The following LRCH1 variants were observed in gnomAD, a reference collection of about 807,000 sequenced individuals.
LRCH1 encodes leucine rich repeats and calponin homology domain containing 1, also known as leucine-rich repeat and calponin homology domain-containing protein 1.
LRCH1 carries 23 observed loss-of-function variants against 94.9 expected under a neutral mutation model. That is an observed-to-expected ratio of 0.24 (90% CI 0.17 to 0.34). LRCH1 has a LOEUF of 0.34. Ranked by LOEUF, LRCH1 falls within the 10% of genes least tolerant of loss-of-function variation. The pLI is 1.00. For missense variants in LRCH1, 790 were observed against 945.9 expected (o/e 0.84, Z 2.16); for synonymous variants, 364 against 354.9 (o/e 1.03, Z -0.29).
At chr13:46,628,584 G>C (rs1026574575) in intron 1 of LRCH1, among the ~76,000 whole-genome samples, 3 of 149,456 alleles carry the variant, frequency 2.0e-5, no homozygotes, top group Non-Finnish European at 4.5e-5. Context: ...TTGAACTTGG[G>C]AGGCAGAGGT....
At chr13:46,728,184 T>G (rs1201997207) in intron 17 of LRCH1, among the ~76,000 whole-genome samples, 2 of 152,004 alleles carry the variant, frequency 1.3e-5, no homozygotes, top group African/African-American at 2.4e-5. Flanking sequence ...CTCAAAGTGT[T>G]GGGGTTACAG....
At chr13:46,661,442 A>G (rs763285539) in intron 2 of LRCH1, among the ~76,000 whole-genome samples, 3 of 152,364 alleles carry the variant, frequency 2.0e-5, no homozygotes, top group Non-Finnish European at 2.9e-5. Context: ...GTTTTGTGGC[A>G]TGCTGTGTCA....
chr13:46,579,424 G>A (rs1163544454), intron 1 of LRCH1, among the ~76,000 whole-genome samples: 1 of 149,114 alleles, frequency 6.7e-6, no homozygotes, highest in Non-Finnish European at 1.5e-5. Context: ...TTTGCCTAGA[G>A]TTATTTTTAG....
At chr13:46,611,705 A>G (rs2050749638) in intron 1 of LRCH1, among the ~76,000 whole-genome samples, 1 of 152,220 alleles carries the variant, frequency 6.6e-6, no homozygotes, top group Admixed American at 6.5e-5. Context: ...AAAGAATAAT[A>G]TACAATAAGT....
intron 1 of LRCH1, among the ~76,000 whole-genome samples, chr13:46,644,467 A>T (rs973143688): frequency 1.3e-5 from 2 of 152,204 alleles, no homozygotes; most frequent in Non-Finnish European, 2.9e-5. Flanking sequence ...GAGGATGCAT[A>T]CATAATTCAG....
rs548649974 is a variant in LRCH1, at chr13:46,627,409, T to C, written c.308-22792T>C. The stretch of plus-strand genomic sequence containing the variant: ...TCTAACCCTTTGGCTTAGAGTATCA[T>C]AGAGTTTTAAATTTGGCCAGATTTT... On this transcript the variant is annotated intron_variant, in intron 1 of 19. Coordinates refer to ENST00000389797, the MANE Select transcript of LRCH1 (RefSeq NM_001164211.2). 3.9e-5 allele frequency among the ~76,000 whole-genome samples: 6 copies of C among 152,254 alleles called. No individual in the cohort carries two copies. In the East Asian group the frequency reaches 9.7e-4, roughly 25 times the overall value.
intron 1 of LRCH1, among the ~76,000 whole-genome samples, chr13:46,617,823 T>C (rs964238633): frequency 1.3e-5 from 2 of 152,210 alleles, no homozygotes; most frequent in Admixed American, 6.5e-5. Flanking sequence ...CCAAAACATT[T>C]TTTTCTTTAT....
At chr13:46,658,493 G>T (rs1022591158) in intron 2 of LRCH1, among the ~76,000 whole-genome samples, 14 of 151,688 alleles carry the variant, frequency 9.2e-5, no homozygotes, top group Non-Finnish European at 2.1e-4. Context: ...TTTCATTTTT[G>T]GTGATGGGCA....
At chr13:46,600,138 A>T (rs974982333) in intron 1 of LRCH1, among the ~76,000 whole-genome samples, 13 of 119,242 alleles carry the variant, frequency 1.1e-4, no homozygotes, top group Middle Eastern at 7.5e-3. Flanking sequence ...CACCCGCCTC[A>T]GGCCTCCCAT....
chr13:46,597,088 G>T (rs991791512), intron 1 of LRCH1, among the ~76,000 whole-genome samples: 10 of 152,162 alleles, frequency 6.6e-5, no homozygotes, highest in African/African-American at 2.4e-4. Context: ...AAATGTATTT[G>T]TAAGCCCCAA....
chr13:46,655,338 A>G (rs994049878), intron 2 of LRCH1, among the ~76,000 whole-genome samples: 3 of 152,358 alleles, frequency 2.0e-5, no homozygotes, highest in Admixed American at 1.3e-4. Flanking sequence ...AAACACTTAC[A>G]TATTTTTCAC....
At chr13:46,688,629 A>G (rs921564268) in intron 6 of LRCH1, among the ~76,000 whole-genome samples, 1 of 152,208 alleles carries the variant, frequency 6.6e-6, no homozygotes, top group Admixed American at 6.5e-5. Flanking sequence ...TTTTTGCTAC[A>G]TAAGTAAATT....
intron 1 of LRCH1, among the ~76,000 whole-genome samples, chr13:46,581,115 C>G (rs2050359949): frequency 6.6e-6 from 1 of 152,126 alleles, no homozygotes; most frequent in Non-Finnish European, 1.5e-5. Context: ...TCCCTGTGTA[C>G]CAGAAAGCAG....
At chr13:46,734,413 C>T (rs1484137952) in intron 19 of LRCH1, among the ~76,000 whole-genome samples, 1 of 152,150 alleles carries the variant, frequency 6.6e-6, no homozygotes, top group Non-Finnish European at 1.5e-5. Flanking sequence ...TTATCATTCT[C>T]TGTAGCTGTA....
intron 1 of LRCH1, among the ~76,000 whole-genome samples, chr13:46,566,755 TG>T (rs987499821): frequency 5.3e-5 from 8 of 152,346 alleles, no homozygotes; most frequent in African/African-American, 1.9e-4. Flanking sequence ...TTTCTACAGA[TG>T]GTCCTCGGGG....
At chr13:46,665,454 A>G (rs1370982474) in intron 2 of LRCH1, among the ~76,000 whole-genome samples, 1 of 152,226 alleles carries the variant, frequency 6.6e-6, no homozygotes, top group Non-Finnish European at 1.5e-5. Flanking sequence ...GCTGCCAAGA[A>G]TGTTTAGATT....
intron 3 of LRCH1, among the ~76,000 whole-genome samples, chr13:46,681,298 G>A (rs774143686): frequency 1.3e-5 from 2 of 152,224 alleles, no homozygotes; most frequent in African/African-American, 4.8e-5. Flanking sequence ...TTAGAGGCAC[G>A]ATGGGATAGT....
At chr13:46,711,050 A>T (rs1872036398) in intron 13 of LRCH1, among the ~76,000 whole-genome samples, 1 of 152,084 alleles carries the variant, frequency 6.6e-6, no homozygotes, top group South Asian at 2.1e-4. Context: ...CCTGTAGCTC[A>T]TGCCTCAGGT....
At chr13:46,570,119 C>A (rs2050225744) in intron 1 of LRCH1, among the ~76,000 whole-genome samples, 1 of 152,182 alleles carries the variant, frequency 6.6e-6, no homozygotes, top group Admixed American at 6.6e-5. Context: ...TCAGCTAACT[C>A]CCAGAGCAAT....
Sources: allele counts gnomAD v4.1 joint callset (sites outside exome capture counted in the v4.1 genomes callset), GRCh38; gene constraint gnomAD v4.1.1; transcripts MANE v1.5; gene names NCBI Gene and HGNC (gene_info 2026-07-23, HGNC 2026-07-21).